USP32: variants seen among roughly 807,000 people sequenced by gnomAD.
USP32 encodes the protein ubiquitin carboxyl-terminal hydrolase 32.
Under a neutral mutation model 204.8 loss-of-function variants are expected in USP32, and 59 were observed. The observed-to-expected ratio is 0.29, with a 90% CI of 0.23 to 0.36. The LOEUF (loss-of-function observed/expected upper bound fraction) is 0.36. Ranked by LOEUF, USP32 falls within the 10% of genes least tolerant of loss-of-function variation. USP32 has a pLI of 1.00. For synonymous variants in USP32, 517 were observed against 678.4 expected, an observed-to-expected ratio of 0.76 and a Z score of 3.70; for missense variants, 1,160 against 1,946.4, an observed-to-expected ratio of 0.60 and a Z score of 7.60.
intron 28 of USP32, among the ~76,000 whole-genome samples, chr17:60,191,863 C>A (rs920142734): frequency 1.3e-5 from 2 of 152,154 alleles, no homozygotes; most frequent in Non-Finnish European, 2.9e-5. Context: ...TAAAGGCGGA[C>A]TTTAGTATCA....
intron 2 of USP32, among the ~76,000 whole-genome samples, chr17:60,345,256 A>T (rs1254180355): frequency 6.6e-6 from 1 of 152,234 alleles, no homozygotes; most frequent in African/African-American, 2.4e-5. Flanking sequence ...TGGCTATTAA[A>T]GCTCTAAAGT....
intron 5 of USP32, among the ~76,000 whole-genome samples, chr17:60,282,142 T>G (rs2086981940): frequency 6.6e-6 from 1 of 152,160 alleles, no homozygotes; most frequent in Non-Finnish European, 1.5e-5. Flanking sequence ...ACCACGGAAA[T>G]CAATGCGCAC....
chr17:60,207,246 C>T (rs576289492), intron 24 of USP32, 114 bp from the exon 25 acceptor site: 32 of 1,425,768 alleles, frequency 2.2e-5, no homozygotes, highest in African/African-American at 1.7e-4. Flanking sequence ...GTAAAACCAA[C>T]GAGATGATTG....
chr17:60,179,649 A>G (rs567798523), intron 33 of USP32, among the ~76,000 whole-genome samples: 1 of 152,266 alleles, frequency 6.6e-6, no homozygotes, highest in Non-Finnish European at 1.5e-5. Context: ...TCAAAAAAGA[A>G]TGACCTAAAA....
chr17:60,327,235 C>G (rs1466652236), intron 2 of USP32, among the ~76,000 whole-genome samples: 1 of 152,200 alleles, frequency 6.6e-6, no homozygotes, highest in African/African-American at 2.4e-5. Flanking sequence ...CTAAACATCA[C>G]ACTGATGGCA....
chr17:60,208,013 T>A, intron 24 of USP32, 46 bp downstream of exon 24: 2 of 1,517,006 alleles, frequency 1.3e-6, no homozygotes, highest in South Asian at 2.7e-5. Flanking sequence ...AAAAATGTCA[T>A]CTTTGGAGGA....
chr17:60,377,671 C>A lies in USP32; in HGVS notation c.58+14211G>T, dbSNP rs1264851022. Among the ~76,000 whole-genome samples the A allele has an allele frequency of 3.3e-5, 5 of 152,314 alleles. No homozygotes were observed. The South Asian group carries it at 1.0e-3, about 32-fold the overall frequency. The stretch of plus-strand genomic sequence containing the variant: ...CTAAGATTTGATAATATAATTGACT[C>A]TTCCGTGTTTTCATCACAAGCAGCA... On this transcript the variant is annotated intron_variant, in intron 1 of 33. Transcript: ENST00000300896.
intron 1 of USP32, among the ~76,000 whole-genome samples, chr17:60,403,168 C>T (rs1055771223): frequency 2.6e-5 from 4 of 152,084 alleles, no homozygotes; most frequent in Admixed American, 1.3e-4. Flanking sequence ...CGCGCCACCA[C>T]GCCCAGCTAA....
intron 1 of USP32, among the ~76,000 whole-genome samples, chr17:60,418,396 G>GTTTTT (rs569143215): frequency 2.5e-5 from 3 of 118,422 alleles, no homozygotes; most frequent in Admixed American, 8.6e-5. Flanking sequence ...CCTGGCCTCT[G>GTTTTT]TTTTTTTTTT....
chr17:60,185,100 T>C (rs1046949587), intron 30 of USP32, among the ~76,000 whole-genome samples: 2 of 152,214 alleles, frequency 1.3e-5, no homozygotes, highest in African/African-American at 4.8e-5. Context: ...GTTGCTCTTC[T>C]AGAGTCCACA....
Position 60,208,053 on chromosome 17 carries a change from T to C in USP32, c.2925+6A>G. ...ATCAAAAGTTTCTTAGAGTAGTTAA[T>C]ATTACCTTTATGTTGGAACCATGTA... On this transcript the variant is annotated splice_donor_region_variant and intron_variant, in intron 24 of 33. Coordinates refer to ENST00000300896, the MANE Select transcript of USP32 (RefSeq NM_032582.4). 6.4e-7 allele frequency: 1 copy of C among 1,559,096 alleles called. No individual in the cohort carries two copies. Among genetic ancestry groups the C allele is most frequent in the Non-Finnish European group, 8.7e-7 (1 of 1,153,582 alleles).
intron 1 of USP32, among the ~76,000 whole-genome samples, chr17:60,403,261 C>A (rs754987271): frequency 6.6e-6 from 1 of 152,120 alleles, no homozygotes; most frequent in Admixed American, 6.5e-5. Context: ...CGTGATCTGC[C>A]GGCCTCGGCC....
chr17:60,244,190 C>T (rs1029230574), intron 11 of USP32, among the ~76,000 whole-genome samples: 1 of 151,786 alleles, frequency 6.6e-6, no homozygotes, highest in African/African-American at 2.4e-5. Flanking sequence ...CGCCCACCAC[C>T]ACGCCCAGCT....
Position 60,244,030 on chromosome 17 carries a change from T to G in USP32, c.1137-7790A>C, listed in dbSNP as rs973607205. On this transcript the variant is annotated intron_variant, in intron 11 of 33. Coordinates refer to ENST00000300896, the MANE Select transcript of USP32 (RefSeq NM_032582.4). ...TTGAATCTCAAGTAGCTGGATTGTG[T>G]TTTTTTTTTTTTTTTTTTTTTTTGA... Among the ~76,000 whole-genome samples the G allele has an allele frequency of 3.2e-4, 29 of 91,600 alleles. No homozygotes were observed. In the South Asian group the frequency reaches 3.3e-3, roughly 11 times the overall value. 60.1% of individuals were successfully genotyped at this position (91,600 alleles called of 152,430 possible).
chr17:60,396,230 A>G (rs988167937), upstream of USP32, among the ~76,000 whole-genome samples: 1 of 151,966 alleles, frequency 6.6e-6, no homozygotes, highest in African/African-American at 2.4e-5. Flanking sequence ...GGCATGCGCC[A>G]CCACACCTGA....
At chr17:60,185,854 G>A (rs2084237058) in intron 29 of USP32, 1 of 529,524 alleles carries the variant, frequency 1.9e-6, no homozygotes, top group Admixed American at 3.2e-5. Flanking sequence ...TTGAGTCCAG[G>A]AGTTCGAAAC....
chr17:60,246,717 C>T (rs1319141557), intron 11 of USP32, among the ~76,000 whole-genome samples: 1 of 151,982 alleles, frequency 6.6e-6, no homozygotes, highest in Admixed American at 6.6e-5. Flanking sequence ...TATTCTTTGT[C>T]TTTTTTATAA....
chr17:60,250,724 AG>A (rs879837247), intron 11 of USP32, among the ~76,000 whole-genome samples: 19 of 152,206 alleles, frequency 1.2e-4, no homozygotes, highest in Middle Eastern at 3.4e-3. Context: ...CTGAAGTGGA[AG>A]GATCTCTTGA....
chr17:60,188,655 A>G (rs572594218), intron 29 of USP32, among the ~76,000 whole-genome samples: 1 of 152,334 alleles, frequency 6.6e-6, no homozygotes. Context: ...ACTTTTTGCT[A>G]TTCTAAAAAA....
Sources: gnomAD v4.1 joint callset for allele counts (sites outside exome capture counted in the v4.1 genomes callset) on GRCh38, gnomAD v4.1.1 for gene constraint, MANE v1.5 for transcripts, NCBI Gene and HGNC (gene_info 2026-07-23, HGNC 2026-07-21) for gene names.